Variants in UNC79 observed in about 807,000 individuals in gnomAD.
UNC79 encodes unc-79 subunit of NALCN channel complex, also known as protein unc-79 homolog.
UNC79 carries 37 observed loss-of-function variants against 283.1 expected under a neutral mutation model. That is an observed-to-expected ratio of 0.13 (90% CI 0.10 to 0.17). The LOEUF (loss-of-function observed/expected upper bound fraction) is 0.17, where lower values mean the gene tolerates loss of function less well. UNC79 is among the 10% of genes least tolerant of loss of function. UNC79 has a pLI of 1.00. For missense variants in UNC79, 2,272 were observed against 3,211.1 expected, an observed-to-expected ratio of 0.71 and a Z score of 7.07; for synonymous variants, 1,107 against 1,200.2, an observed-to-expected ratio of 0.92 and a Z score of 1.61.
At position 93,457,853 on chromosome 14, in the gene UNC79, T is replaced by C. The variant is rs183207242; in HGVS notation, c.23-9818T>C. On this transcript the variant is annotated intron_variant, in intron 1 of 48. Transcript: ENST00000555664. ...GAGGGTAGACCCTGGAGTTGATTTC[T>C]AGACAGAACCAATAGGGCCAATAAG... is the stretch of plus-strand genomic sequence containing the variant. 3.5e-3 allele frequency among the ~76,000 whole-genome samples: 530 copies of C among 152,274 alleles called. 5 individuals carry two copies. The highest frequency in any genetic ancestry group is 0.012 in the African/African-American group (508 of 41,548).
intron 1 of UNC79, among the ~76,000 whole-genome samples, chr14:93,371,166 G>T (rs911749116): frequency 1.4e-4 from 22 of 152,094 alleles, no homozygotes; most frequent in Non-Finnish European, 2.9e-4. Flanking sequence ...GAGGTGGGCA[G>T]ATCACAAGGT....
chr14:93,685,850 C>G (rs2074199582), intron 42 of UNC79, among the ~76,000 whole-genome samples: 1 of 152,202 alleles, frequency 6.6e-6, no homozygotes, highest in Admixed American at 6.5e-5. Context: ...GGAGAGCAGG[C>G]CAATGTCATT....
intron 26 of UNC79, 123 bp downstream of exon 27, chr14:93,605,084 C>A: frequency 1.0e-6 from 1 of 980,312 alleles, no homozygotes; most frequent in Non-Finnish European, 1.4e-6. Context: ...TCAGAAGGGT[C>A]TTACCCCAGA....
Position 93,617,530 on chromosome 14 carries a change from A to T in UNC79, c.4224+226A>T, listed in dbSNP as rs1165363542. Among the ~76,000 whole-genome samples, 1 of 152,248 alleles carries T rather than the reference A, an allele frequency of 6.6e-6. No homozygotes were observed. On this transcript the variant is annotated intron_variant, in intron 28 of 48. Coordinates refer to ENST00000555664, the Ensembl canonical transcript of UNC79. The surrounding 1 kb of genome is among the most constrained non-coding windows in gnomAD (Gnocchi z 4.5). The stretch of plus-strand genomic sequence containing the variant: ...CTAAAAATGTTTAAAACAAAGAATG[A>T]TAAATGGTAGGCTACTGATCAAGAA...
intron 41 of UNC79, among the ~76,000 whole-genome samples, chr14:93,677,883 C>A (rs183035827): frequency 6.6e-6 from 1 of 152,136 alleles, no homozygotes; most frequent in Non-Finnish European, 1.5e-5. Context: ...CTCCTGACCT[C>A]GTGATATGCC....
rs1461428878 is a variant in UNC79 at position 93,347,094 on chromosome 14, G to A, written c.-351+13571G>A. On this transcript the variant is annotated intron_variant, in intron 1 of 49. Coordinates refer to the UNC79 transcript ENST00000256339. ...GAAAGGAGTGGTGAGCGGAAGAGGC[G>A]GGGCAGAGCAGGAGGTGCTGGGCAG... is the stretch of plus-strand genomic sequence containing the variant. The A allele has an allele frequency of 1.1e-5, 7 of 611,662 alleles. No homozygotes were observed. In the Admixed American group the frequency reaches 1.6e-4, roughly 14 times the overall value. The allele number at this position is 611,662 out of a possible 1,614,324, so 37.9% of individuals were successfully genotyped here.
At chr14:93,477,961 GA>G (rs1407573760) in intron 4 of UNC79, among the ~76,000 whole-genome samples, 13 of 151,954 alleles carry the variant, frequency 8.6e-5, no homozygotes, top group African/African-American at 3.1e-4. Context: ...TTATAGAATA[GA>G]AAAAAAGAAC....
chr14:93,403,284 A>G (rs2055149139), intron 1 of UNC79, among the ~76,000 whole-genome samples: 1 of 152,222 alleles, frequency 6.6e-6, no homozygotes, highest in Non-Finnish European at 1.5e-5. Context: ...TTTGTCCTGC[A>G]GCTGTGAAGA....
chr14:93,596,139 AAT>A (rs1566737156), intron 23 of UNC79, among the ~76,000 whole-genome samples: 1 of 152,232 alleles, frequency 6.6e-6, no homozygotes, highest in East Asian at 1.9e-4. Context: ...CACAAAATAA[AAT>A]ATGTCATATA....
At chr14:93,387,928 G>A (rs10134203) in intron 1 of UNC79, among the ~76,000 whole-genome samples, 107,424 of 152,064 alleles carry the variant, frequency 0.71, 38,427 homozygotes, top group Middle Eastern at 0.78. Context: ...GGGTGCATAT[G>A]TATTTACAAT....
At chr14:93,518,073 A>T (rs2060155164) in intron 7 of UNC79, among the ~76,000 whole-genome samples, 1 of 152,046 alleles carries the variant, frequency 6.6e-6, no homozygotes, top group Non-Finnish European at 1.5e-5. Context: ...TTTAATTATG[A>T]TGTCTTCATC....
At chr14:93,689,848 A>G (rs1485247955) in intron 44 of UNC79, 2 of 407,648 alleles carry the variant, frequency 4.9e-6, no homozygotes, top group South Asian at 4.9e-5. Context: ...GAAGCTAGTC[A>G]GAGAGGCAGT....
intron 29 of UNC79, among the ~76,000 whole-genome samples, chr14:93,620,131 G>C (rs1312314191): frequency 6.6e-6 from 1 of 152,166 alleles, no homozygotes; most frequent in African/African-American, 2.4e-5. Context: ...GTAGGATTAG[G>C]GATCATAAGT....
intron 11 of UNC79, among the ~76,000 whole-genome samples, chr14:93,533,493 C>T (rs199889560): frequency 1.3e-5 from 2 of 152,132 alleles, no homozygotes; most frequent in African/African-American, 4.8e-5. Context: ...AATTGGCTGG[C>T]CCCAGATGGT....
At chr14:93,539,163 A>G (rs1300639279) in intron 12 of UNC79, among the ~76,000 whole-genome samples, 2 of 148,456 alleles carry the variant, frequency 1.3e-5, no homozygotes, top group African/African-American at 4.9e-5. Context: ...TGGGCCTCCC[A>G]AAGTGCTGGG....
chr14:93,391,773 A>T (rs1001472115), intron 1 of UNC79, among the ~76,000 whole-genome samples: 11 of 152,174 alleles, frequency 7.2e-5, no homozygotes, highest in Admixed American at 1.3e-4. Context: ...CATATTAATT[A>T]AAAAAAGACG....
intron 1 of UNC79, among the ~76,000 whole-genome samples, chr14:93,338,105 G>A (rs1050710321): frequency 6.6e-5 from 10 of 152,228 alleles, no homozygotes; most frequent in East Asian, 1.9e-4. Flanking sequence ...CAAGCCGAGC[G>A]CAGCCTGCCA....
intron 26 of UNC79, among the ~76,000 whole-genome samples, chr14:93,611,844 T>TA (rs533668224): frequency 0.029 from 4,165 of 144,748 alleles, 82 homozygotes; most frequent in Middle Eastern, 0.087. Flanking sequence ...TGTTTCTTAT[T>TA]AAAAAAAAAA....
At chr14:93,507,245 C>G (rs1217788411) in intron 7 of UNC79, among the ~76,000 whole-genome samples, 1 of 152,074 alleles carries the variant, frequency 6.6e-6, no homozygotes, top group Non-Finnish European at 1.5e-5. Context: ...GCATTTATTT[C>G]TCTTGGGTAT....
Sources: allele counts gnomAD v4.1 joint callset (sites outside exome capture counted in the v4.1 genomes callset), GRCh38; gene constraint gnomAD v4.1.1; non-coding constraint Gnocchi (gnomAD v3.1); transcripts MANE v1.5; gene names NCBI Gene and HGNC (gene_info 2026-07-23, HGNC 2026-07-21).